The following LINGO2 variants were observed in gnomAD, a reference collection of about 807,000 sequenced individuals.
The protein encoded by LINGO2 is leucine-rich repeat and immunoglobulin-like domain-containing nogo receptor-interacting protein 2.
In LINGO2, 14 loss-of-function variants were observed where a neutral mutation model predicts 30.6. The observed-to-expected ratio is 0.46, with a 90% CI of 0.30 to 0.72. LINGO2 has a LOEUF of 0.72. Among genes scored for constraint, LINGO2 ranks in the 30% least tolerant of loss-of-function variants. The probability of loss-of-function intolerance (pLI) is 0.07; values close to 1 mark genes in which losing one functional copy is unlikely to be tolerated. For missense variants in LINGO2, 729 were observed against 751.7 expected (o/e 0.97, Z 0.35); for synonymous variants, 317 against 288.5 (o/e 1.10, Z -1.00).
chr9:28,457,694 T>G (rs1290064411), intron 2 of LINGO2, among the ~76,000 whole-genome samples: 1 of 152,130 alleles, frequency 6.6e-6, no homozygotes, highest in African/African-American at 2.4e-5. Context: ...GCCTCCCAAG[T>G]AGCTGGAATT....
chr9:27,993,821 G>A (rs1443561236), intron 5 of LINGO2, among the ~76,000 whole-genome samples: 1 of 151,870 alleles, frequency 6.6e-6, no homozygotes, highest in Non-Finnish European at 1.5e-5. Context: ...AACCGACACA[G>A]AACATTTTAT....
At chr9:28,441,068 GACTT>G (rs988440520) in intron 2 of LINGO2, among the ~76,000 whole-genome samples, 6 of 152,006 alleles carry the variant, frequency 3.9e-5, no homozygotes, top group African/African-American at 1.4e-4. Flanking sequence ...TGATTCTTGA[GACTT>G]ACTTCACTTT....
chr9:28,731,655 T>TAA, the LINGO2 span, among the ~76,000 whole-genome samples: 1 of 152,104 alleles, frequency 6.6e-6, no homozygotes, highest in East Asian at 1.9e-4. Context: ...GCTGTTCTGT[T>TAA]TGTTGACTAT....
intron 5 of LINGO2, among the ~76,000 whole-genome samples, chr9:28,008,781 A>G (rs1018827695): frequency 1.3e-5 from 2 of 152,200 alleles, no homozygotes; most frequent in Admixed American, 6.5e-5. Flanking sequence ...GCATATGGAA[A>G]TATACCACAT....
At chr9:28,111,897 T>C (rs2133364727) in intron 4 of LINGO2, among the ~76,000 whole-genome samples, 1 of 151,002 alleles carries the variant, frequency 6.6e-6, no homozygotes, top group South Asian at 2.1e-4. Context: ...GAATAAATGT[T>C]TATTTATTTA....
At chr9:28,177,660 T>C (rs1260084183) in intron 4 of LINGO2, among the ~76,000 whole-genome samples, 1 of 151,918 alleles carries the variant, frequency 6.6e-6, no homozygotes, top group African/African-American at 2.4e-5. Context: ...ATGGTGGAAA[T>C]ATAAAAAGGA....
chr9:28,978,084 T>C, the LINGO2 span, among the ~76,000 whole-genome samples: 1 of 152,174 alleles, frequency 6.6e-6, no homozygotes, highest in Non-Finnish European at 1.5e-5. Flanking sequence ...AAATGTTATT[T>C]AGACTATGGC....
chr9:28,939,908 T>C, the LINGO2 span, among the ~76,000 whole-genome samples: 4 of 152,288 alleles, frequency 2.6e-5, no homozygotes, highest in South Asian at 2.1e-4. Flanking sequence ...GAATAAATCT[T>C]GAGAGAATTA....
At chr9:28,701,615 G>T in the LINGO2 span, among the ~76,000 whole-genome samples, 1 of 151,698 alleles carries the variant, frequency 6.6e-6, no homozygotes, top group Admixed American at 6.6e-5. Context: ...TATTGTGTTA[G>T]CTATTCTGGG....
chr9:29,177,892 C>A, the LINGO2 span, among the ~76,000 whole-genome samples: 2 of 149,698 alleles, frequency 1.3e-5, no homozygotes, highest in East Asian at 4.0e-4. Context: ...TCTCACCAAG[C>A]TCCACACCTT....
At chr9:28,585,083 A>G (rs545907454) in intron 1 of LINGO2, among the ~76,000 whole-genome samples, 2 of 152,048 alleles carry the variant, frequency 1.3e-5, no homozygotes, top group Non-Finnish European at 2.9e-5. Context: ...TCATCACAGA[A>G]GTATAATCAA....
chr9:28,649,543 T>C (rs1827992229), intron 1 of LINGO2, among the ~76,000 whole-genome samples: 1 of 152,088 alleles, frequency 6.6e-6, no homozygotes, highest in East Asian at 1.9e-4. Context: ...CATACATACA[T>C]AGGTCCAACC....
chr9:29,184,585 A>C, the LINGO2 span, among the ~76,000 whole-genome samples: 7 of 152,108 alleles, frequency 4.6e-5, no homozygotes, highest in African/African-American at 1.7e-4. Flanking sequence ...TAGTTGAATC[A>C]ATTACCCATT....
chr9:29,017,010 A>G, the LINGO2 span, among the ~76,000 whole-genome samples: 1 of 152,170 alleles, frequency 6.6e-6, no homozygotes, highest in Admixed American at 6.6e-5. Context: ...TGATGCCTTC[A>G]CTTTCTATTT....
At chr9:28,625,286 CT>C (rs1288137900) in intron 1 of LINGO2, among the ~76,000 whole-genome samples, 2 of 152,130 alleles carry the variant, frequency 1.3e-5, no homozygotes, top group Non-Finnish European at 2.9e-5. Flanking sequence ...TGCCAAGTCC[CT>C]AAGTCACTGT....
intron 4 of LINGO2, among the ~76,000 whole-genome samples, chr9:28,161,904 A>G (rs895901916): frequency 6.6e-6 from 1 of 152,142 alleles, no homozygotes; most frequent in South Asian, 2.1e-4. Flanking sequence ...CCAACAAAAA[A>G]CATTAACAAA....
At chr9:28,612,211 G>A (rs1825949195) in intron 1 of LINGO2, among the ~76,000 whole-genome samples, 1 of 152,036 alleles carries the variant, frequency 6.6e-6, no homozygotes, top group East Asian at 1.9e-4. Flanking sequence ...ACAGGCTTGT[G>A]TTACCAAGTC....
chr9:29,065,826 C>T, the LINGO2 span, among the ~76,000 whole-genome samples: 16 of 152,052 alleles, frequency 1.1e-4, no homozygotes, highest in East Asian at 1.2e-3. Context: ...AAAAAATCAT[C>T]CTCAGAATGC....
intron 4 of LINGO2, among the ~76,000 whole-genome samples, chr9:28,128,474 C>G (rs2133431663): frequency 6.6e-6 from 1 of 152,322 alleles, no homozygotes. Flanking sequence ...CTAATTCTCC[C>G]TGCCTCTGTT....
Sources: gnomAD v4.1 joint callset for allele counts (sites outside exome capture counted in the v4.1 genomes callset) on GRCh38, gnomAD v4.1.1 for gene constraint, MANE v1.5 for transcripts, NCBI Gene and HGNC (gene_info 2026-07-23, HGNC 2026-07-21) for gene names.